CYP2C19: variants seen among roughly 807,000 people sequenced by gnomAD.
The protein encoded by CYP2C19 is cytochrome P450 family 2 subfamily C member 19, also known as cytochrome P450 2C19.
In CYP2C19, 59 loss-of-function variants were observed where a neutral mutation model predicts 40.9. That is an observed-to-expected ratio of 1.44 (90% CI 1.17 to 1.79). The LOEUF is 1.79. Among genes scored for constraint, CYP2C19 ranks in the 40% most tolerant of loss-of-function variants. The pLI, the probability that CYP2C19 is intolerant of heterozygous loss-of-function variation, is 0.00. For missense variants in CYP2C19, 754 were observed against 596.9 expected, an observed-to-expected ratio of 1.26 and a Z score of -2.74; for synonymous variants, 253 against 208.7, an observed-to-expected ratio of 1.21 and a Z score of -1.83.
intron 7 of CYP2C19, among the ~76,000 whole-genome samples, chr10:94,846,810 G>T (rs1198227964): frequency 6.6e-6 from 1 of 151,002 alleles, no homozygotes; most frequent in Non-Finnish European, 1.5e-5. Flanking sequence ...TTAGCATTAG[G>T]TATATCTCCT....
chr10:94,815,722 T>C (rs141705128), intron 5 of CYP2C19, among the ~76,000 whole-genome samples: 2 of 152,354 alleles, frequency 1.3e-5, no homozygotes, highest in Non-Finnish European at 2.9e-5. Context: ...TTGCCTCCCA[T>C]ATAGATTACA....
chr10:94,773,329 C>T (rs900167322), intron 1 of CYP2C19, among the ~76,000 whole-genome samples: 1 of 152,188 alleles, frequency 6.6e-6, no homozygotes, highest in African/African-American at 2.4e-5. Flanking sequence ...GATGGTGTGT[C>T]TGGAGTTTGT....
chr10:94,778,335 G>A (rs1848437868), intron 3 of CYP2C19, among the ~76,000 whole-genome samples: 1 of 152,112 alleles, frequency 6.6e-6, no homozygotes, highest in Non-Finnish European at 1.5e-5. Flanking sequence ...GCTGCGTTCA[G>A]CTATTCTCAC....
intron 5 of CYP2C19, among the ~76,000 whole-genome samples, chr10:94,795,788 T>C (rs1339528256): frequency 6.6e-6 from 1 of 152,204 alleles, no homozygotes; most frequent in African/African-American, 2.4e-5. Context: ...GTCTTTTGGC[T>C]GCATAAATGT....
intron 5 of CYP2C19, among the ~76,000 whole-genome samples, chr10:94,787,176 T>G (rs1848553270): frequency 6.6e-6 from 1 of 152,160 alleles, no homozygotes; most frequent in South Asian, 2.1e-4. Flanking sequence ...TTTTGGCTTT[T>G]TAATCATATC....
chr10:94,852,617 C>T (rs974416131), intron 8 of CYP2C19, 116 bp from the exon 9 acceptor site: 1 of 1,128,648 alleles, frequency 8.9e-7, no homozygotes, highest in Admixed American at 2.1e-5. Flanking sequence ...CTCATCCCTC[C>T]TATGATTCAC....
chr10:94,796,689 T>A (rs1024873875), intron 5 of CYP2C19, among the ~76,000 whole-genome samples: 1 of 152,130 alleles, frequency 6.6e-6, no homozygotes, highest in African/African-American at 2.4e-5. Context: ...GGTTTGTAGT[T>A]CTCCTTGAAG....
At chr10:94,812,397 T>C (rs1848940352) in intron 5 of CYP2C19, among the ~76,000 whole-genome samples, 1 of 151,812 alleles carries the variant, frequency 6.6e-6, no homozygotes, top group Non-Finnish European at 1.5e-5. Context: ...GTTTTCTGTA[T>C]TTCCTGAATT....
chr10:94,817,879 G>A (rs1278512546), intron 5 of CYP2C19, among the ~76,000 whole-genome samples: 1 of 151,564 alleles, frequency 6.6e-6, no homozygotes, highest in African/African-American at 2.4e-5. Context: ...CGGGCGTAGT[G>A]GCGGGCACCT....
In CYP2C19 at chr10:94,820,756, G is replaced by A. The variant is rs17885915; in HGVS notation, c.961+119G>A. The A allele has an allele frequency of 7.4e-4, 933 of 1,265,242 alleles. 5 individuals carry two copies. The African/African-American group carries it at 0.012, about 16-fold the overall frequency. The allele number at this position is 1,265,242 out of a possible 1,614,324, so 78.4% of individuals were successfully genotyped here. A position where few individuals can be genotyped will look rare whatever the true frequency, so the allele number is the denominator to read the frequency against. ...CATTATTTAAATTTCTGTGCCCGCA[G>A]CTGTAATCTGTCCCAATTTAATGGT... On this transcript the variant is annotated intron_variant, in intron 6 of 8. Transcript: ENST00000371321.
chr10:94,848,591 G>C (rs1330087767), intron 7 of CYP2C19, among the ~76,000 whole-genome samples: 1 of 152,292 alleles, frequency 6.6e-6, no homozygotes, highest in South Asian at 2.1e-4. Flanking sequence ...GAACTTTAAA[G>C]TAGTTTTTCC....
intron 6 of CYP2C19, among the ~76,000 whole-genome samples, chr10:94,837,046 G>GA (rs34986692): frequency 0.18 from 26,783 of 152,008 alleles, 2,617 homozygotes; most frequent in South Asian, 0.33. Flanking sequence ...CAGGGATGCA[G>GA]AAAAAGTCAT....
At chr10:94,801,279 T>A (rs56229007) in intron 5 of CYP2C19, among the ~76,000 whole-genome samples, 26,321 of 152,182 alleles carry the variant, frequency 0.17, 2,514 homozygotes, top group South Asian at 0.33. Flanking sequence ...TCTCAGAGAT[T>A]CTGTTTCATT....
intron 5 of CYP2C19, among the ~76,000 whole-genome samples, chr10:94,817,945 G>A (rs1032316042): frequency 3.8e-4 from 57 of 149,454 alleles, no homozygotes; most frequent in Middle Eastern, 3.4e-3. Context: ...CCCGGGAGGC[G>A]GAGCTTGCAG....
chr10:94,797,087 C>T (rs962102435), intron 5 of CYP2C19, among the ~76,000 whole-genome samples: 1 of 152,082 alleles, frequency 6.6e-6, no homozygotes, highest in African/African-American at 2.4e-5. Flanking sequence ...AAAGGGAATG[C>T]TTCCAGTTTT....
At chr10:94,823,128 A>G (rs1443936642) in intron 6 of CYP2C19, among the ~76,000 whole-genome samples, 1 of 152,134 alleles carries the variant, frequency 6.6e-6, no homozygotes, top group Non-Finnish European at 1.5e-5. Context: ...AAAATTTATC[A>G]AGGAGAAAAA....
chr10:94,802,576 C>T (rs1848781967), intron 5 of CYP2C19, among the ~76,000 whole-genome samples: 1 of 152,050 alleles, frequency 6.6e-6, no homozygotes, highest in South Asian at 2.1e-4. Flanking sequence ...GTATTTAGCC[C>T]ACTTACATTT....
In CYP2C19 at chr10:94,850,058, G is replaced by A; in HGVS notation, c.1291G>A (p.Gly431Arg). The change falls in exon 8 of 9, where the codon GGA (glycine) becomes AGA (arginine). Residue 431 changes from glycine (G) to arginine (R), a missense_variant and splice_region_variant. Transcript: ENST00000371321. ...TAACTACTTCATGCCTTTCTCAGCAGGTAATATAAATTTATTTCCCTTTGT... is the reference window on the plus strand; with the variant it reads ...TAACTACTTCATGCCTTTCTCAGCAAGTAATATAAATTTATTTCCCTTTGT... ...KSNYFMPFSA[G>R]KRICVGEGLA... 1 of 1,613,192 alleles carries A rather than the reference G, an allele frequency of 6.2e-7. No homozygotes were observed. The highest frequency in any genetic ancestry group is 1.1e-5 in the South Asian group (1 of 91,046).
At chr10:94,788,332 C>T (rs1848568968) in intron 5 of CYP2C19, among the ~76,000 whole-genome samples, 1 of 151,992 alleles carries the variant, frequency 6.6e-6, no homozygotes, top group Non-Finnish European at 1.5e-5. Context: ...TGAGATGGAG[C>T]TTCTATATCT....
Sources: allele counts gnomAD v4.1 joint callset (sites outside exome capture counted in the v4.1 genomes callset), GRCh38; gene constraint gnomAD v4.1.1; transcripts MANE v1.5; gene names NCBI Gene and HGNC (gene_info 2026-07-23, HGNC 2026-07-21).